WWTR1: variants seen among roughly 807,000 people sequenced by gnomAD.
WWTR1 encodes the protein WW domain containing transcription regulator 1.
WWTR1 carries 13 observed loss-of-function variants against 40.1 expected under a neutral mutation model. That is an observed-to-expected ratio of 0.32 (90% CI 0.21 to 0.52). The LOEUF is 0.52. Ranked by LOEUF, WWTR1 falls within the 20% of genes least tolerant of loss-of-function variation. The pLI is 0.97. For missense variants in WWTR1, 436 were observed against 523.1 expected (o/e 0.83, Z 1.63); for synonymous variants, 230 against 210.1 (o/e 1.09, Z -0.82).
At chr3:149,636,091 T>C (rs183105365) in intron 2 of WWTR1, among the ~76,000 whole-genome samples, 1 of 152,226 alleles carries the variant, frequency 6.6e-6, no homozygotes, top group Non-Finnish European at 1.5e-5. Flanking sequence ...TAGAATGTGA[T>C]GTTCCCAGGA....
chr3:149,651,893 G>C (rs1005646599), intron 2 of WWTR1, among the ~76,000 whole-genome samples: 2 of 146,880 alleles, frequency 1.4e-5, no homozygotes, highest in African/African-American at 5.0e-5. Context: ...GCAGTGGCGC[G>C]ATCTCGGCTC....
rs535804944 is a variant in WWTR1, at chr3:149,615,802, C to A, written c.431+41074G>T. On this transcript the variant is annotated intron_variant, in intron 2 of 6. Coordinates refer to ENST00000360632, the MANE Select transcript of WWTR1 (RefSeq NM_015472.6). ...AAGTGAGATGGAGGAGGGGTAGCGG[C>A]CACACCACAGAGGTGTCTGCTACAT... 5.3e-5 allele frequency among the ~76,000 whole-genome samples: 8 copies of A among 152,304 alleles called. No individual in the cohort carries two copies. In the South Asian group the frequency reaches 1.7e-3, roughly 32 times the overall value.
In WWTR1 at chr3:149,536,855, A is replaced by G. The variant is rs528495872; in HGVS notation, c.771+5480T>C. On this transcript the variant is annotated intron_variant, in intron 4 of 6. Transcript: ENST00000360632. ...TCTACAAGGCAGCCCCCGTGAAGGG[A>G]CAAGGGGGAGCCAAGGCTTTGCCAC... is the stretch of plus-strand genomic sequence containing the variant. Among the ~76,000 whole-genome samples, 18 of 152,100 alleles carry G rather than the reference A, an allele frequency of 1.2e-4. No homozygotes were observed. The South Asian group carries it at 2.9e-3, about 25-fold the overall frequency.
chr3:149,603,796 A>G (rs751724695), intron 2 of WWTR1, among the ~76,000 whole-genome samples: 13 of 150,860 alleles, frequency 8.6e-5, no homozygotes, highest in Non-Finnish European at 1.5e-4. Context: ...AATGAGGGGA[A>G]TATAAGATAA....
intron 2 of WWTR1, among the ~76,000 whole-genome samples, chr3:149,599,021 T>C (rs1739126277): frequency 6.6e-6 from 1 of 152,230 alleles, no homozygotes; most frequent in South Asian, 2.1e-4. Context: ...TATCTTTAAT[T>C]GGCCAACCAA....
intron 4 of WWTR1, among the ~76,000 whole-genome samples, chr3:149,536,690 G>A (rs563432891): frequency 6.3e-4 from 95 of 151,504 alleles, no homozygotes; most frequent in African/African-American, 2.2e-3. Context: ...CCGGCGACCC[G>A]AGGCCAGGCT....
chr3:149,622,487 AAGGAAGGAAGGAAGG>A (rs1740331879), intron 2 of WWTR1, among the ~76,000 whole-genome samples: 2 of 134,494 alleles, frequency 1.5e-5, no homozygotes, highest in African/African-American at 5.6e-5. Context: ...GGAAGGAAGG[AAGGAAGGAAGGAAGG>A]AAGAAAGAAA....
At chr3:149,578,632 A>C (rs58117850) in intron 2 of WWTR1, among the ~76,000 whole-genome samples, 9,582 of 152,254 alleles carry the variant, frequency 0.063, 414 homozygotes, top group East Asian at 0.14. Context: ...GGCCGGGCAC[A>C]GTGGCCTGTA....
Position 149,657,245 on chromosome 3 carries a change from G to C in WWTR1, c.62C>G (p.Thr21Arg). 6.2e-7 allele frequency: 1 copy of C among 1,613,326 alleles called. No individual in the cohort carries two copies. Among genetic ancestry groups the C allele is most frequent in the Non-Finnish European group, 8.5e-7 (1 of 1,179,752 alleles). ...PPPGQQVIHV[T>R]QDLDTDLEAL... ...TTCGAGGTCTGTGTCTAGGTCCTGC[G>C]TGACGTGGATCACTTGCTGCCCAGG... is the stretch of plus-strand genomic sequence containing the variant. The change falls in exon 2 of 7, where the codon ACG becomes AGG. Residue 21 changes from threonine to arginine, a missense_variant. By Grantham distance (71) the Thr-to-Arg change is moderately conservative. Coordinates refer to ENST00000360632, the MANE Select transcript of WWTR1 (RefSeq NM_015472.6).
Position 149,568,523 on chromosome 3 carries a change from CAAAAAAAAAAAAAAA to C in WWTR1, c.568+4326_568+4340del, listed in dbSNP as rs34414853. Among the ~76,000 whole-genome samples, 33 of 64,816 alleles carry C rather than the reference CAAAAAAAAAAAAAAA, an allele frequency of 5.1e-4. 1 individual carries two copies. The highest frequency in any genetic ancestry group is 1.4e-3 in the South Asian group (2 of 1,386). 42.5% of individuals were successfully genotyped at this position (64,816 alleles called of 152,430 possible). ...GGAGATGGCTATTTGAATTAAAGTG[CAAAAAAAAAAAAAAA>C]AAAAAAAAAAAAAAAAAAAAAACCA... On this transcript the variant is annotated intron_variant, in intron 3 of 6. Transcript: ENST00000360632.
Position 149,574,901 on chromosome 3 carries a change from C to T in WWTR1, c.432-1901G>A, listed in dbSNP as rs1737811205. On this transcript the variant is annotated intron_variant, in intron 2 of 6. Transcript: ENST00000360632. Reference sequence around the variant, plus strand: ...CCACAGGTCAAGAGTTCGAGACCAGCCTGGCCAACATGGTGAAACCCCAGC... The same window carrying T: ...CCACAGGTCAAGAGTTCGAGACCAGTCTGGCCAACATGGTGAAACCCCAGC... Among the ~76,000 whole-genome samples the T allele has an allele frequency of 2.0e-5, 3 of 151,690 alleles. No individual in the cohort carries two copies. The South Asian group carries it at 6.2e-4, about 32-fold the overall frequency.
chr3:149,592,212 A>G lies in WWTR1; in HGVS notation c.432-19212T>C, dbSNP rs193003501. On this transcript the variant is annotated intron_variant, in intron 2 of 6. Transcript: ENST00000360632. ...TTTATACAATACATATGCATATAAA[A>G]GATTCTAGTTTTCAATTAGCTTAAT... Among the ~76,000 whole-genome samples, 524 of 152,354 alleles carry G rather than the reference A, an allele frequency of 3.4e-3. 1 individual carries two copies. Among genetic ancestry groups the G allele is most frequent in the African/African-American group, 0.012 (513 of 41,576 alleles).
At chr3:149,539,873 G>T (rs1736008224) in intron 4 of WWTR1, among the ~76,000 whole-genome samples, 1 of 152,008 alleles carries the variant, frequency 6.6e-6, no homozygotes, top group African/African-American at 2.4e-5. Flanking sequence ...AAATGCCCCA[G>T]AAAACTATTA....
At chr3:149,548,390 T>A (rs1411523314) in intron 3 of WWTR1, among the ~76,000 whole-genome samples, 1 of 152,242 alleles carries the variant, frequency 6.6e-6, no homozygotes, top group Non-Finnish European at 1.5e-5. Context: ...CCTCCTGGAA[T>A]GTTTCACAAA....
At chr3:149,698,780 C>A (rs1012712860) in intron 1 of WWTR1, among the ~76,000 whole-genome samples, 9 of 152,200 alleles carry the variant, frequency 5.9e-5, no homozygotes, top group African/African-American at 1.4e-4. Context: ...ATGGATTATA[C>A]CCTCTAGAAC....
intron 6 of WWTR1, among the ~76,000 whole-genome samples, chr3:149,523,146 A>G (rs756689779): frequency 5.9e-5 from 9 of 152,082 alleles, no homozygotes; most frequent in Non-Finnish European, 1.0e-4. Context: ...TCTTCATTAA[A>G]GTTAACAATC....
rs1441098622 is a variant in WWTR1 at position 149,519,950 on chromosome 3, A to G, written c.*855T>C. On this transcript the variant is annotated 3_prime_UTR_variant, in exon 7 of 7. Transcript: ENST00000360632. Reference sequence around the variant, plus strand: ...AAGAGCAAAACTCGATCTCAAAAACAAACAAACAACATCAAGAAAAAAAAA... The same window carrying G: ...AAGAGCAAAACTCGATCTCAAAAACGAACAAACAACATCAAGAAAAAAAAA... The G allele has an allele frequency of 4.2e-5, 6 of 141,776 alleles. No homozygotes were observed. Among genetic ancestry groups the G allele is most frequent in the African/African-American group, 1.5e-4 (6 of 40,730 alleles). The allele number at this position is 141,776 out of a possible 1,614,324, so 8.8% of individuals were successfully genotyped here.
At chr3:149,628,618 G>A (rs978091374) in intron 2 of WWTR1, among the ~76,000 whole-genome samples, 1 of 152,130 alleles carries the variant, frequency 6.6e-6, no homozygotes, top group Admixed American at 6.6e-5. Context: ...GCTTTTGAAG[G>A]TTAGGGAAAA....
intron 3 of WWTR1, among the ~76,000 whole-genome samples, chr3:149,553,796 C>T (rs189404325): frequency 3.9e-5 from 6 of 152,160 alleles, no homozygotes; most frequent in African/African-American, 7.2e-5. Flanking sequence ...TCTGTTTATG[C>T]GCCGTCCATG....
Sources: allele counts gnomAD v4.1 joint callset (sites outside exome capture counted in the v4.1 genomes callset), GRCh38; gene constraint gnomAD v4.1.1; transcripts MANE v1.5; gene names NCBI Gene and HGNC (gene_info 2026-07-23, HGNC 2026-07-21).